Variants in SNTG1 observed in about 807,000 individuals in gnomAD.
SNTG1 encodes gamma-1-syntrophin.
Under a neutral mutation model 74.7 loss-of-function variants are expected in SNTG1, and 39 were observed. The ratio of observed to expected loss-of-function variants is 0.52; its 90% CI spans 0.40 to 0.68. The LOEUF is 0.68. Ranked by LOEUF, SNTG1 falls within the 30% of genes least tolerant of loss-of-function variation. The pLI is 0.00. For synonymous variants in SNTG1, 254 were observed against 217.1 expected, an observed-to-expected ratio of 1.17 and a Z score of -1.49; for missense variants, 685 against 609.5, an observed-to-expected ratio of 1.12 and a Z score of -1.30.
At chr8:50,362,929 A>G (rs1170567393) in intron 2 of SNTG1, among the ~76,000 whole-genome samples, 1 of 152,214 alleles carries the variant, frequency 6.6e-6, no homozygotes, top group Non-Finnish European at 1.5e-5. Flanking sequence ...CTTAGTAAAC[A>G]CAGACAACTG....
chr8:50,421,137 C>T (rs2093080806), intron 4 of SNTG1, among the ~76,000 whole-genome samples: 2 of 150,556 alleles, frequency 1.3e-5, no homozygotes, highest in Admixed American at 6.6e-5. Context: ...AACACTGTTA[C>T]CAGAAAAGGG....
intron 5 of SNTG1, among the ~76,000 whole-genome samples, chr8:50,447,054 G>A (rs2093414403): frequency 6.6e-6 from 1 of 152,134 alleles, no homozygotes; most frequent in African/African-American, 2.4e-5. Flanking sequence ...ACAAAATGTT[G>A]TATTGTACTG....
intron 17 of SNTG1, 148 bp downstream of exon 17, chr8:50,709,126 C>G: frequency 1.6e-6 from 1 of 623,760 alleles, no homozygotes. Context: ...ATAAATTATG[C>G]TTCGATCTGA....
intron 2 of SNTG1, among the ~76,000 whole-genome samples, chr8:50,270,311 A>G (rs2087713317): frequency 6.6e-6 from 1 of 152,176 alleles, no homozygotes; most frequent in African/African-American, 2.4e-5. Context: ...ATCCAATGAA[A>G]ATGTGTATGT....
intron 1 of SNTG1, among the ~76,000 whole-genome samples, chr8:50,093,581 G>A (rs2079822139): frequency 6.6e-6 from 1 of 152,072 alleles, no homozygotes; most frequent in Non-Finnish European, 1.5e-5. Flanking sequence ...CCTGCCTGAA[G>A]TTCTTTCCTA....
chr8:50,525,695 G>A (rs1387257850), intron 9 of SNTG1, among the ~76,000 whole-genome samples: 1 of 151,864 alleles, frequency 6.6e-6, no homozygotes, highest in Non-Finnish European at 1.5e-5. Context: ...CAGAATTTCT[G>A]TGTGGGTTTC....
chr8:50,060,888 A>T (rs973431491), intron 1 of SNTG1, among the ~76,000 whole-genome samples: 1 of 152,136 alleles, frequency 6.6e-6, no homozygotes, highest in Non-Finnish European at 1.5e-5. Flanking sequence ...TCAAACCAGC[A>T]ATCCCTGGAA....
intron 8 of SNTG1, among the ~76,000 whole-genome samples, chr8:50,474,689 A>G (rs1409386687): frequency 6.6e-6 from 1 of 152,154 alleles, no homozygotes; most frequent in Non-Finnish European, 1.5e-5. Context: ...GGGATCTAGA[A>G]CTAGAAATAC....
chr8:50,602,987 G>C (rs2094786319), intron 13 of SNTG1, among the ~76,000 whole-genome samples: 1 of 148,070 alleles, frequency 6.8e-6, no homozygotes, highest in African/African-American at 2.5e-5. Context: ...TAAATGCCTT[G>C]AGATTGTCTT....
chr8:50,645,299 T>C (rs1304463905), intron 13 of SNTG1, among the ~76,000 whole-genome samples: 3 of 152,058 alleles, frequency 2.0e-5, no homozygotes, highest in African/African-American at 7.2e-5. Context: ...ATCGTTTTAG[T>C]TTTTCTATTT....
At chr8:50,762,731 T>G in intron 18 of SNTG1, 1 of 481,136 alleles carries the variant, frequency 2.1e-6, no homozygotes, top group Admixed American at 2.2e-5. Flanking sequence ...CTTGCCTCCC[T>G]TTTCCATGAT....
intron 2 of SNTG1, among the ~76,000 whole-genome samples, chr8:50,306,358 T>G (rs759336872): frequency 6.6e-6 from 1 of 152,076 alleles, no homozygotes; most frequent in East Asian, 1.9e-4. Context: ...AATAAACATA[T>G]GTGTGCATGT....
intron 8 of SNTG1, among the ~76,000 whole-genome samples, chr8:50,489,780 C>T (rs570108086): frequency 2.0e-5 from 3 of 152,004 alleles, no homozygotes; most frequent in Admixed American, 2.0e-4. Flanking sequence ...TTAGTTTAAC[C>T]CAATTTGTCA....
chr8:50,709,035 G>A (rs2095453864), intron 17 of SNTG1, 57 bp downstream of exon 17: 1 of 1,263,526 alleles, frequency 7.9e-7, no homozygotes, highest in Admixed American at 1.7e-5. Flanking sequence ...ATTGAAGAAT[G>A]ATTTAAATGC....
chr8:50,030,542 TA>T (rs1817655718), intron 1 of SNTG1, among the ~76,000 whole-genome samples: 1 of 152,074 alleles, frequency 6.6e-6, no homozygotes, highest in Admixed American at 6.6e-5. Flanking sequence ...GGTTTAATTA[TA>T]AATTTATATT....
intron 2 of SNTG1, among the ~76,000 whole-genome samples, chr8:50,371,853 C>T (rs868256950): frequency 2.0e-4 from 31 of 152,086 alleles, no homozygotes; most frequent in Middle Eastern, 3.2e-3. Context: ...TATAGCTACC[C>T]CTGCTCCCTT....
chr8:50,202,795 G>GT (rs60509732), intron 2 of SNTG1, among the ~76,000 whole-genome samples: 450 of 133,130 alleles, frequency 3.4e-3, no homozygotes, highest in Admixed American at 7.9e-3. Context: ...TCTTTGTTTT[G>GT]TTTTTTTTTT....
intron 2 of SNTG1, among the ~76,000 whole-genome samples, chr8:50,377,991 C>T (rs2092417815): frequency 6.6e-6 from 1 of 152,212 alleles, no homozygotes; most frequent in Non-Finnish European, 1.5e-5. Flanking sequence ...CTGGTGGCAC[C>T]TTTGCCCGAG....
At chr8:50,239,024 C>T (rs547625204) in intron 2 of SNTG1, among the ~76,000 whole-genome samples, 10 of 152,196 alleles carry the variant, frequency 6.6e-5, no homozygotes, top group East Asian at 1.9e-4. Context: ...GAAAGGGGAA[C>T]GCTATACACA....
Sources: allele counts gnomAD v4.1 joint callset (sites outside exome capture counted in the v4.1 genomes callset), GRCh38; gene constraint gnomAD v4.1.1; transcripts MANE v1.5; gene names NCBI Gene and HGNC (gene_info 2026-07-23, HGNC 2026-07-21).